The following PCDH11X variants were observed in gnomAD, a reference collection of about 807,000 sequenced individuals.
The protein encoded by PCDH11X is protocadherin-11 X-linked.
A neutral mutation model predicts 53.3 loss-of-function variants in PCDH11X; 18 were observed. That is an observed-to-expected ratio of 0.34 (90% confidence interval 0.23 to 0.50). The LOEUF (loss-of-function observed/expected upper bound fraction) is 0.50. PCDH11X is among the 20% of genes least tolerant of loss of function. The pLI is 0.98. For missense variants in PCDH11X, 570 were observed against 1,032.4 expected (o/e 0.55, Z 6.14); for synonymous variants, 279 against 393.3 (o/e 0.71, Z 3.44).
At chrX:91,838,158 A>G (rs1937373204) in intron 5 of PCDH11X, among the ~76,000 whole-genome samples, 1 of 111,888 alleles carries the variant, frequency 8.9e-6, no homozygotes, top group African/African-American at 3.2e-5. Context: ...TGAACTTCCA[A>G]GAAATTTCTG....
At chrX:92,255,751 T>A (rs1457582191) in intron 7 of PCDH11X, among the ~76,000 whole-genome samples, 1 of 112,416 alleles carries the variant, frequency 8.9e-6, no homozygotes, top group African/African-American at 3.2e-5. Flanking sequence ...GTTAGGCTGG[T>A]CAGGGGTCAG....
intron 8 of PCDH11X, among the ~76,000 whole-genome samples, chrX:92,374,746 C>G (rs1400023953): frequency 9.0e-6 from 1 of 110,901 alleles, no homozygotes; most frequent in Admixed American, 9.6e-5. Flanking sequence ...ACAAATGTTA[C>G]ACTGTTGCCA....
At chrX:92,538,529 T>C (rs1461584651) in intron 10 of PCDH11X, among the ~76,000 whole-genome samples, 1 of 108,236 alleles carries the variant, frequency 9.2e-6, no homozygotes, top group Non-Finnish European at 1.9e-5. Context: ...TTTTGTGTAT[T>C]TGTTGTATGG....
intron 9 of PCDH11X, among the ~76,000 whole-genome samples, chrX:92,421,997 G>T (rs2071978117): frequency 9.1e-6 from 1 of 110,130 alleles, no homozygotes; most frequent in Non-Finnish European, 1.9e-5. Context: ...TGAATTTTCA[G>T]TTCTAAAATT....
intron 6 of PCDH11X, among the ~76,000 whole-genome samples, chrX:92,084,224 G>A (rs759021377): frequency 4.5e-5 from 5 of 111,035 alleles, no homozygotes; most frequent in South Asian, 7.6e-4. Context: ...TAAGCTCACC[G>A]TTTTAGTAAT....
intron 6 of PCDH11X, among the ~76,000 whole-genome samples, chrX:92,041,637 CA>C (rs931530831): frequency 2.7e-5 from 3 of 111,746 alleles, no homozygotes; most frequent in African/African-American, 9.8e-5. Flanking sequence ...TTAGCAGGTG[CA>C]AAAAAATTAA....
At chrX:91,800,906 G>C (rs1935910824) in intron 1 of PCDH11X, among the ~76,000 whole-genome samples, 1 of 107,228 alleles carries the variant, frequency 9.3e-6, no homozygotes, top group Admixed American at 1.0e-4. Flanking sequence ...GTTTATTGCT[G>C]GGCGCCCTGG....
At chrX:92,226,223 G>T (rs748085788) in intron 7 of PCDH11X, among the ~76,000 whole-genome samples, 1 of 111,931 alleles carries the variant, frequency 8.9e-6, no homozygotes, top group Non-Finnish European at 1.9e-5. Context: ...ATGTTACATG[G>T]TAACCTTCAG....
intron 4 of PCDH11X, among the ~76,000 whole-genome samples, chrX:91,816,726 A>G (rs1397453288): frequency 9.0e-6 from 1 of 111,413 alleles, no homozygotes; most frequent in Non-Finnish European, 1.9e-5. Flanking sequence ...ACTGAGGGAC[A>G]TTGGAGATGG....
intron 6 of PCDH11X, among the ~76,000 whole-genome samples, chrX:92,191,358 T>C (rs1336767668): frequency 8.9e-6 from 1 of 112,334 alleles, no homozygotes; most frequent in Non-Finnish European, 1.9e-5. Flanking sequence ...GTCCTTTTGT[T>C]CTTTATTCAA....
At chrX:92,613,142 T>C (rs1400030706) in intron 10 of PCDH11X, among the ~76,000 whole-genome samples, 1 of 109,862 alleles carries the variant, frequency 9.1e-6, no homozygotes, top group African/African-American at 3.3e-5. Flanking sequence ...AATCCTATCA[T>C]GAAGTTGTTA....
At chrX:91,826,433 A>AT (rs1936929132) in intron 4 of PCDH11X, among the ~76,000 whole-genome samples, 1 of 105,046 alleles carries the variant, frequency 9.5e-6, no homozygotes, top group Non-Finnish European at 1.9e-5. Context: ...CATTTTACTT[A>AT]TTTTTTAATG....
intron 9 of PCDH11X, among the ~76,000 whole-genome samples, chrX:92,411,392 G>A (rs1285600921): frequency 4.5e-5 from 5 of 110,714 alleles, no homozygotes; most frequent in Admixed American, 2.9e-4. Flanking sequence ...AGCCCCGCAC[G>A]CATTAAGTAT....
chrX:92,096,144 G>C (rs771338688), intron 6 of PCDH11X, among the ~76,000 whole-genome samples: 2 of 111,995 alleles, frequency 1.8e-5, no homozygotes, highest in South Asian at 7.4e-4. Flanking sequence ...AGTAAGGTTA[G>C]ATTGAAATGT....
intron 6 of PCDH11X, among the ~76,000 whole-genome samples, chrX:91,954,321 G>C (rs1444249841): frequency 9.0e-6 from 1 of 111,224 alleles, no homozygotes; most frequent in African/African-American, 3.3e-5. Flanking sequence ...AGTATTCCAT[G>C]GTGTATATGT....
intron 8 of PCDH11X, among the ~76,000 whole-genome samples, chrX:92,294,671 A>G: frequency 9.0e-6 from 1 of 111,266 alleles, no homozygotes; most frequent in Non-Finnish European, 1.9e-5. Flanking sequence ...CAAAATGACT[A>G]CAAAGATAAA....
chrX:92,206,890 G>A (rs2066486037), intron 7 of PCDH11X, among the ~76,000 whole-genome samples: 1 of 111,156 alleles, frequency 9.0e-6, no homozygotes, highest in Admixed American at 9.7e-5. Flanking sequence ...AAACAGAGTG[G>A]ATCCTAGCTG....
chrX:92,489,912 A>G (rs1386268562), intron 10 of PCDH11X, among the ~76,000 whole-genome samples: 1 of 101,585 alleles, frequency 9.8e-6, no homozygotes, highest in African/African-American at 3.5e-5. Context: ...CTGGTATGTT[A>G]TTTTTAACAT....
intron 6 of PCDH11X, among the ~76,000 whole-genome samples, chrX:92,048,174 C>T (rs1172282920): frequency 1.9e-5 from 2 of 105,735 alleles, no homozygotes; most frequent in Non-Finnish European, 1.9e-5. Flanking sequence ...CATGATCTTC[C>T]AGGAACACAT....
Sources: gnomAD v4.1 joint callset for allele counts (sites outside exome capture counted in the v4.1 genomes callset) on GRCh38, gnomAD v4.1.1 for gene constraint, MANE v1.5 for transcripts, NCBI Gene and HGNC (gene_info 2026-07-23, HGNC 2026-07-21) for gene names.